The following GABBR2 variants were observed in gnomAD, a reference collection of about 807,000 sequenced individuals.
GABBR2 encodes the protein gamma-aminobutyric acid type B receptor subunit 2.
A neutral mutation model predicts 105.6 loss-of-function variants in GABBR2; 23 were observed. The observed-to-expected ratio is 0.22, with a 90% confidence interval of 0.16 to 0.31. The LOEUF (loss-of-function observed/expected upper bound fraction) is 0.31, where lower values mean the gene tolerates loss of function less well. GABBR2 is among the 10% of genes least tolerant of loss of function. The probability of loss-of-function intolerance (pLI) is 1.00; values close to 1 mark genes in which losing one functional copy is unlikely to be tolerated. For missense variants in GABBR2, 734 were observed against 1,245.5 expected (o/e 0.59, Z 6.18); for synonymous variants, 478 against 499.7 (o/e 0.96, Z 0.58).
At chr9:98,481,895 A>T (rs762068957) in intron 4 of GABBR2, among the ~76,000 whole-genome samples, 77 of 152,234 alleles carry the variant, frequency 5.1e-4, no homozygotes, top group Non-Finnish European at 1.1e-3. Flanking sequence ...TTCAACAGAC[A>T]ATTACTGAGC....
intron 8 of GABBR2, among the ~76,000 whole-genome samples, chr9:98,404,886 TG>T (rs1832462055): frequency 6.6e-6 from 1 of 152,030 alleles, no homozygotes; most frequent in Non-Finnish European, 1.5e-5. Context: ...GCAGATGCAA[TG>T]GGTGGAATTT....
At chr9:98,629,178 T>C (rs1056462736) in intron 1 of GABBR2, among the ~76,000 whole-genome samples, 1 of 152,200 alleles carries the variant, frequency 6.6e-6, no homozygotes, top group Non-Finnish European at 1.5e-5. Context: ...AGGAATTCAT[T>C]TGTACTTAAT....
At chr9:98,362,934 A>AC (rs1831612794) in intron 12 of GABBR2, 97 bp from the exon 13 acceptor site, 3 of 1,065,304 alleles carry the variant, frequency 2.8e-6, no homozygotes, top group African/African-American at 1.6e-5. Context: ...TGCATCATGA[A>AC]CCCCCCAGCC....
chr9:98,445,761 G>GTAGGGACTC (rs990482213), intron 7 of GABBR2, among the ~76,000 whole-genome samples: 6 of 152,260 alleles, frequency 3.9e-5, no homozygotes, highest in African/African-American at 1.4e-4. Flanking sequence ...TGTAGGGACT[G>GTAGGGACTC]TAGGGAAGGC....
chr9:98,357,534 G>C (rs12550981), intron 13 of GABBR2, among the ~76,000 whole-genome samples: 2 of 152,044 alleles, frequency 1.3e-5, no homozygotes, highest in African/African-American at 4.8e-5. Flanking sequence ...TGTAGTCCCA[G>C]CTACTTGGGG....
Position 98,320,726 on chromosome 9 carries a change from G to A in GABBR2, c.1894-9521C>T, listed in dbSNP as rs539280513. On this transcript the variant is annotated intron_variant, in intron 13 of 18. Coordinates refer to ENST00000259455, the MANE Select transcript of GABBR2 (RefSeq NM_005458.8). The stretch of plus-strand genomic sequence containing the variant: ...CATCATTCTCAGTAAACTATCGCAA[G>A]AACAAAAAACCAAACACCGCATATT... Among the ~76,000 whole-genome samples, 29 of 149,310 alleles carry A rather than the reference G, an allele frequency of 1.9e-4. No homozygotes were observed. The Admixed American group carries it at 2.0e-3, about 10-fold the overall frequency.
chr9:98,578,865 A>G (rs927675771), intron 1 of GABBR2, among the ~76,000 whole-genome samples: 22 of 152,240 alleles, frequency 1.4e-4, no homozygotes, highest in Non-Finnish European at 2.9e-5. Flanking sequence ...ACAAAAAGAC[A>G]GCTATTATAT....
chr9:98,544,696 G>C (rs1016499404), intron 2 of GABBR2, among the ~76,000 whole-genome samples: 1 of 152,164 alleles, frequency 6.6e-6, no homozygotes, highest in African/African-American at 2.4e-5. Context: ...CAAAGTGTCT[G>C]TGAACCCCCT....
intron 13 of GABBR2, among the ~76,000 whole-genome samples, chr9:98,314,926 AC>A (rs1391024932): frequency 3.4e-5 from 5 of 148,246 alleles, no homozygotes; most frequent in Non-Finnish European, 7.4e-5. Context: ...AGTCAGCTTG[AC>A]CTCTTTCTCT....
intron 7 of GABBR2, among the ~76,000 whole-genome samples, chr9:98,433,219 G>A (rs189165242): frequency 6.6e-6 from 1 of 152,278 alleles, no homozygotes; most frequent in East Asian, 1.9e-4. Flanking sequence ...ATTAGTGAAG[G>A]GGAATTGACA....
chr9:98,639,797 TG>T (rs1829934948), intron 1 of GABBR2, among the ~76,000 whole-genome samples: 1 of 152,068 alleles, frequency 6.6e-6, no homozygotes, highest in African/African-American at 2.4e-5. Flanking sequence ...AGGGTCCCGG[TG>T]GTCTCATTAA....
At chr9:98,645,721 C>T (rs182938533) in intron 1 of GABBR2, among the ~76,000 whole-genome samples, 67 of 152,262 alleles carry the variant, frequency 4.4e-4, no homozygotes, top group African/African-American at 1.6e-3. Context: ...TGGGAACTTC[C>T]CCTACTGCAG....
chr9:98,430,607 G>A (rs1234577482), intron 7 of GABBR2, among the ~76,000 whole-genome samples: 1 of 152,144 alleles, frequency 6.6e-6, no homozygotes, highest in Non-Finnish European at 1.5e-5. Context: ...GGTCTCAAGT[G>A]CTTTCCTCTG....
intron 1 of GABBR2, among the ~76,000 whole-genome samples, chr9:98,674,964 G>A (rs1024802383): frequency 6.6e-6 from 1 of 152,134 alleles, no homozygotes; most frequent in African/African-American, 2.4e-5. Context: ...AGTTTGGAAG[G>A]AATCCCCAAA....
At chr9:98,464,278 C>T (rs911122684) in intron 6 of GABBR2, among the ~76,000 whole-genome samples, 11 of 147,616 alleles carry the variant, frequency 7.5e-5, no homozygotes, top group South Asian at 2.2e-4. Flanking sequence ...CGCCTCTTCC[C>T]GGCCGCCCCG....
chr9:98,528,186 CA>C (rs1827997620), intron 3 of GABBR2, among the ~76,000 whole-genome samples: 1 of 151,600 alleles, frequency 6.6e-6, no homozygotes, highest in Non-Finnish European at 1.5e-5. Flanking sequence ...AAAGCATAAG[CA>C]AAAGTGTAAT....
At chr9:98,593,641 C>T (rs192490413) in intron 1 of GABBR2, among the ~76,000 whole-genome samples, 3 of 152,244 alleles carry the variant, frequency 2.0e-5, no homozygotes, top group South Asian at 4.2e-4. Flanking sequence ...CAGCTGCCCA[C>T]GCTACCGACT....
chr9:98,628,852 A>G (rs1221380555), intron 1 of GABBR2, among the ~76,000 whole-genome samples: 1 of 152,142 alleles, frequency 6.6e-6, no homozygotes, highest in Admixed American at 6.5e-5. Flanking sequence ...TGAAGCTGAA[A>G]AGGCCACGTG....
intron 2 of GABBR2, among the ~76,000 whole-genome samples, chr9:98,573,922 C>T (rs1251923310): frequency 6.6e-6 from 1 of 152,156 alleles, no homozygotes; most frequent in East Asian, 1.9e-4. Flanking sequence ...AATGTTTACT[C>T]CCTTGGAGAA....
Sources: gnomAD v4.1 joint callset for allele counts (sites outside exome capture counted in the v4.1 genomes callset) on GRCh38, gnomAD v4.1.1 for gene constraint, MANE v1.5 for transcripts, NCBI Gene and HGNC (gene_info 2026-07-23, HGNC 2026-07-21) for gene names.